LGSN: variants seen among roughly 807,000 people sequenced by gnomAD.
LGSN encodes the protein lengsin, lens protein with glutamine synthetase domain.
In LGSN, 21 loss-of-function variants were observed where a neutral mutation model predicts 19.5. The ratio of observed to expected loss-of-function variants is 1.07; its 90% CI spans 0.76 to 1.55. The LOEUF (loss-of-function observed/expected upper bound fraction) is 1.55. LGSN is among the 40% of genes most tolerant of loss of function. The probability of loss-of-function intolerance (pLI) is 0.00; values close to 1 mark genes in which losing one functional copy is unlikely to be tolerated. For synonymous variants in LGSN, 257 were observed against 215.6 expected (o/e 1.19, Z -1.68); for missense variants, 673 against 608.5 (o/e 1.11, Z -1.12).
At chr6:63,387,644 G>C in the LGSN span, among the ~76,000 whole-genome samples, 723 of 151,884 alleles carry the variant, frequency 4.8e-3, 2 homozygotes, top group Non-Finnish European at 8.3e-3. Flanking sequence ...AATTTTAGAG[G>C]AATCCATGCA....
At chr6:63,562,502 T>C in the LGSN span, among the ~76,000 whole-genome samples, 1 of 152,206 alleles carries the variant, frequency 6.6e-6, no homozygotes, top group Non-Finnish European at 1.5e-5. Context: ...ACTGGCAAGA[T>C]ACTTTTAATA....
the LGSN span, among the ~76,000 whole-genome samples, chr6:63,467,692 TTTTG>T: frequency 0.46 from 70,112 of 151,540 alleles, 18,020 homozygotes; most frequent in Non-Finnish European, 0.56. Flanking sequence ...CATTTAATCT[TTTTG>T]TTTGTTTGTT....
At chr6:63,309,639 A>G (rs1768545245) in intron 1 of LGSN, among the ~76,000 whole-genome samples, 1 of 152,202 alleles carries the variant, frequency 6.6e-6, no homozygotes, top group Non-Finnish European at 1.5e-5. Context: ...GTTTTAAAGT[A>G]TGTATACATT....
At chr6:63,562,263 G>C in the LGSN span, among the ~76,000 whole-genome samples, 1 of 148,396 alleles carries the variant, frequency 6.7e-6, no homozygotes, top group Non-Finnish European at 1.5e-5. Context: ...GCAATGGTGC[G>C]GTCTCAGCTC....
At chr6:63,514,896 G>A in the LGSN span, among the ~76,000 whole-genome samples, 2 of 151,886 alleles carry the variant, frequency 1.3e-5, no homozygotes, top group Non-Finnish European at 2.9e-5. Context: ...TAGTGACAGG[G>A]TCTCACCATG....
At chr6:63,397,219 G>C in the LGSN span, 2 of 152,140 alleles carry the variant, frequency 1.3e-5, no homozygotes, top group African/African-American at 4.8e-5. Flanking sequence ...GTCCAGCTCT[G>C]TGTCTTAAAT....
the LGSN span, among the ~76,000 whole-genome samples, chr6:63,555,808 C>T: frequency 1.3e-5 from 2 of 151,884 alleles, no homozygotes; most frequent in African/African-American, 4.8e-5. Flanking sequence ...ATTCTCCTGC[C>T]TCAGTCTCCC....
At chr6:63,490,575 T>G in the LGSN span, among the ~76,000 whole-genome samples, 2 of 151,812 alleles carry the variant, frequency 1.3e-5, no homozygotes, top group Non-Finnish European at 2.9e-5. Context: ...TATTTTTTAT[T>G]TATTATTATT....
At chr6:63,416,932 TACACAC>T in the LGSN span, among the ~76,000 whole-genome samples, 7,580 of 147,862 alleles carry the variant, frequency 0.051, 239 homozygotes, top group Non-Finnish European at 0.067. Context: ...CATATGTATG[TACACAC>T]ACACACACAC....
At chr6:63,394,811 G>A in the LGSN span, among the ~76,000 whole-genome samples, 1 of 152,216 alleles carries the variant, frequency 6.6e-6, no homozygotes, top group South Asian at 2.1e-4. Flanking sequence ...GTGCTGGCTT[G>A]CTGTATACAG....
the LGSN span, among the ~76,000 whole-genome samples, chr6:63,354,277 G>A: frequency 6.6e-6 from 1 of 151,844 alleles, no homozygotes; most frequent in Non-Finnish European, 1.5e-5. Flanking sequence ...AAATACATAA[G>A]GAACTCAAAC....
At chr6:63,379,445 C>T in the LGSN span, among the ~76,000 whole-genome samples, 2 of 152,330 alleles carry the variant, frequency 1.3e-5, no homozygotes, top group East Asian at 3.9e-4. Flanking sequence ...CTGGTCACTA[C>T]TTCCTCAGGG....
chr6:63,412,875 A>AGAAG, the LGSN span, among the ~76,000 whole-genome samples: 1 of 120,684 alleles, frequency 8.3e-6, no homozygotes, highest in Admixed American at 7.7e-5. Context: ...TAAGAGAAAG[A>AGAAG]GAAAGAAAGA....
intron 1 of LGSN, among the ~76,000 whole-genome samples, chr6:63,309,145 G>T (rs1484701815): frequency 1.3e-5 from 2 of 152,066 alleles, no homozygotes; most frequent in Non-Finnish European, 2.9e-5. Flanking sequence ...AAAAATAAGC[G>T]CTTCTGGCCG....
the LGSN span, among the ~76,000 whole-genome samples, chr6:63,379,178 C>T: frequency 6.6e-6 from 1 of 150,436 alleles, no homozygotes; most frequent in Non-Finnish European, 1.5e-5. Flanking sequence ...AGAGTAAATG[C>T]CCCCCCCTTT....
the LGSN span, among the ~76,000 whole-genome samples, chr6:63,536,489 G>C: frequency 6.6e-6 from 1 of 152,162 alleles, no homozygotes; most frequent in Non-Finnish European, 1.5e-5. Context: ...AACAAGATTA[G>C]ATTAGATTAA....
the LGSN span, chr6:63,550,612 TTTGG>T: frequency 3.3e-5 from 5 of 152,396 alleles, no homozygotes; most frequent in Non-Finnish European, 5.9e-5. Context: ...GATATTTGTT[TTTGG>T]TTGGTTGGTT....
chr6:63,484,523 CA>C, the LGSN span, among the ~76,000 whole-genome samples: 2 of 148,252 alleles, frequency 1.3e-5, no homozygotes, highest in Admixed American at 6.7e-5. Context: ...GACTCCGTCT[CA>C]AAAAAAAAGA....
chr6:63,537,911 G>A, the LGSN span, among the ~76,000 whole-genome samples: 1 of 152,178 alleles, frequency 6.6e-6, no homozygotes, highest in Non-Finnish European at 1.5e-5. Flanking sequence ...ATGGAATACA[G>A]GCAGGCCCAG....
Sources: gnomAD v4.1 joint callset for allele counts (sites outside exome capture counted in the v4.1 genomes callset) on GRCh38, gnomAD v4.1.1 for gene constraint, MANE v1.5 for transcripts, NCBI Gene and HGNC (gene_info 2026-07-23, HGNC 2026-07-21) for gene names.